The following FIGNL2 variants were observed in gnomAD, a reference collection of about 807,000 sequenced individuals.
FIGNL2 encodes fidgetin like 2.
For synonymous variants in FIGNL2, 565 were observed against 484.0 expected (o/e 1.17, Z -2.20); for missense variants, 1,060 against 950.2 (o/e 1.12, Z -1.52).
rs533825494 is a variant in FIGNL2 at position 51,831,431 on chromosome 12, A to G, written c.-11-9007T>C. Among the ~76,000 whole-genome samples the G allele has an allele frequency of 5.3e-5, 8 of 152,234 alleles. No homozygotes were observed. The South Asian group carries it at 1.7e-3, about 32-fold the overall frequency. On this transcript the variant is annotated intron_variant, in intron 1 of 1. Transcript: ENST00000618634. Reference sequence around the variant, plus strand: ...ACAGCACCCCAGTTAAGCAGGTATTATTTGCAGATAAAACAGTGCCAGACA... The same window carrying G: ...ACAGCACCCCAGTTAAGCAGGTATTGTTTGCAGATAAAACAGTGCCAGACA...
At chr12:51,845,575 T>C (rs1939736093) in intron 1 of FIGNL2, 1 of 985,330 alleles carries the variant, frequency 1.0e-6, no homozygotes, top group Non-Finnish European at 1.2e-6. Context: ...TGCAGAGCCA[T>C]GCTCCTTCCA....
At chr12:51,826,053 C>CCT (rs1939336373) in intron 1 of FIGNL2, 1 of 152,214 alleles carries the variant, frequency 6.6e-6, no homozygotes, top group African/African-American at 2.4e-5. Context: ...AGCTCCCTTA[C>CCT]CTCTGGCCCT....
In FIGNL2 at chr12:51,819,121, A is replaced by G. The variant is rs939433699; in HGVS notation, c.*1331T>C. 1 of 152,280 alleles carries G rather than the reference A, an allele frequency of 6.6e-6. No individual in the cohort carries two copies. The highest frequency in any genetic ancestry group is 2.4e-5 in the African/African-American group (1 of 41,464). 9.4% of individuals were successfully genotyped at this position (152,280 alleles called of 1,614,324 possible). ...TCTACCCAGATGGAATCCTCCTAGCATAAGTCACTGGGGACCTCTGCCAAG... is the reference window on the plus strand; with the variant it reads ...TCTACCCAGATGGAATCCTCCTAGCGTAAGTCACTGGGGACCTCTGCCAAG... On this transcript the variant is annotated 3_prime_UTR_variant, in exon 2 of 2. Coordinates refer to ENST00000618634, the MANE Select transcript of FIGNL2 (RefSeq NM_001384995.1).
chr12:51,838,451 G>A (rs562788782), intron 1 of FIGNL2, among the ~76,000 whole-genome samples: 1 of 152,294 alleles, frequency 6.6e-6, no homozygotes, highest in East Asian at 1.9e-4. Flanking sequence ...TGTCTGAAGG[G>A]CAACCTGAAA....
chr12:51,826,640 CAAAAAAAAAA>C (rs4025910), intron 1 of FIGNL2, among the ~76,000 whole-genome samples: 1 of 104,390 alleles, frequency 9.6e-6, no homozygotes, highest in African/African-American at 3.9e-5. Context: ...ACTCCCATCT[CAAAAAAAAAA>C]AAAAAAAAAA....
chr12:51,821,781 T>C lies in FIGNL2; in HGVS notation c.633A>G (p.Ala211=). 1.6e-6 allele frequency: 2 copies of C among 1,274,588 alleles called. No individual in the cohort carries two copies. Among genetic ancestry groups the C allele is most frequent in the Non-Finnish European group, 2.0e-6 (2 of 1,016,638 alleles). The allele number at this position is 1,274,588 out of a possible 1,614,324, so 79.0% of individuals were successfully genotyped here. ...PLYNYPAGGY[A]AQPGYGALPP... The stretch of plus-strand genomic sequence containing the variant: ...GGAGCGCGCCATAGCCGGGCTGCGC[T>C]GCGTAGCCCCCTGCGGGATAGTTGT... The change falls in exon 2 of 2, where the codon GCA becomes GCG. Residue 211 remains alanine, a synonymous_variant. Coordinates refer to ENST00000618634, the MANE Select transcript of FIGNL2 (RefSeq NM_001384995.1).
At chr12:51,839,864 C>A (rs149667928) in intron 1 of FIGNL2, among the ~76,000 whole-genome samples, 73 of 152,356 alleles carry the variant, frequency 4.8e-4, no homozygotes, top group African/African-American at 1.5e-3. Flanking sequence ...TCTACCCTGA[C>A]CTGCTCCTTC....
chr12:51,835,867 C>T (rs1939571530), intron 1 of FIGNL2, among the ~76,000 whole-genome samples: 1 of 150,202 alleles, frequency 6.7e-6, no homozygotes, highest in South Asian at 2.1e-4. Flanking sequence ...AGTGCAGTGG[C>T]GTGATCTCCG....
intron 1 of FIGNL2, chr12:51,841,754 C>T (rs986621128): frequency 6.6e-6 from 1 of 152,252 alleles, no homozygotes; most frequent in Non-Finnish European, 1.5e-5. Flanking sequence ...AGAGAGTGAT[C>T]AGAAAGGACT....
In FIGNL2 at chr12:51,819,423, T is replaced by G. The variant is rs1939119359; in HGVS notation, c.*1029A>C. 6.6e-6 allele frequency: 1 copy of G among 152,660 alleles called. No individual in the cohort carries two copies. The highest frequency in any genetic ancestry group is 1.5e-5 in the Non-Finnish European group (1 of 68,064). The allele number at this position is 152,660 out of a possible 1,614,324, so 9.5% of individuals were successfully genotyped here. A position where few individuals can be genotyped will look rare whatever the true frequency, so the allele number is the denominator to read the frequency against. On this transcript the variant is annotated 3_prime_UTR_variant, in exon 2 of 2. Transcript: ENST00000618634. ...GCCCTGGGGAGGAAGCCCTTAGGAA[T>G]ACATTCTGCTTCTGACCAGGAATAG... is the stretch of plus-strand genomic sequence containing the variant.
chr12:51,837,355 T>C (rs1342708000), intron 1 of FIGNL2, among the ~76,000 whole-genome samples: 2 of 152,044 alleles, frequency 1.3e-5, no homozygotes, highest in African/African-American at 2.4e-5. Flanking sequence ...GCTCCCAATG[T>C]TTTCCCTACA....
At chr12:51,847,056 G>A (rs1939766942) in intron 1 of FIGNL2, 2 of 984,530 alleles carry the variant, frequency 2.0e-6, no homozygotes, top group Non-Finnish European at 2.4e-6. Context: ...GCGGCCGCCC[G>A]GTACCCGCGT....
intron 1 of FIGNL2, among the ~76,000 whole-genome samples, chr12:51,834,080 G>GATGGACAGATGGACAGATGGATGA (rs1939530617): frequency 1.1e-4 from 1 of 8,866 alleles, no homozygotes; most frequent in Non-Finnish European, 4.3e-4. Context: ...TGGATGAATA[G>GATGGACAGATGGACAGATGGATGA]ACAGACAGAC....
intron 1 of FIGNL2, chr12:51,828,168 C>A (rs1247082884): frequency 6.6e-6 from 1 of 152,260 alleles, no homozygotes; most frequent in Non-Finnish European, 1.5e-5. Flanking sequence ...GAATTTGTGT[C>A]CCCTCCCGGT....
chr12:51,820,845 G>C lies in FIGNL2; in HGVS notation c.1569C>G (p.Gly523=), dbSNP rs746110401. Residue 523 remains glycine, a synonymous_variant, in exon 2 of 2, where the codon GGC becomes GGG. Transcript: ENST00000618634. ...PLLACLDGGC[G]AGADGVLVVG... is the part of the protein sequence containing the mutation. ...CAACCAGCACGCCGTCAGCCCCCGC[G>C]CCGCAGCCCCCGTCCAGGCAGGCCA... The C allele has an allele frequency of 2.8e-4, 406 of 1,456,162 alleles. No individual in the cohort carries two copies. The highest frequency in any genetic ancestry group is 3.5e-4 in the Non-Finnish European group (391 of 1,111,108). The allele number at this position is 1,456,162 out of a possible 1,614,324, so 90.2% of individuals were successfully genotyped here. A position where few individuals can be genotyped will look rare whatever the true frequency, so the allele number is the denominator to read the frequency against.
intron 1 of FIGNL2, chr12:51,847,360 C>G: frequency 4.1e-6 from 4 of 985,472 alleles, no homozygotes; most frequent in Non-Finnish European, 4.8e-6. Context: ...GCCGTAAGCC[C>G]AGAGTTGGGC....
In FIGNL2 at chr12:51,820,553, T is replaced by G; in HGVS notation, c.1861A>C (p.Lys621Gln). Residue 621 changes from lysine (K) to glutamine (Q), a missense_variant, in exon 2 of 2, where the codon AAG becomes CAG. Coordinates refer to ENST00000618634, the MANE Select transcript of FIGNL2 (RefSeq NM_001384995.1). ...LPGLQRPLSY[K>Q]DLEAALAKVG... ...TTGGCCAGCGCCGCCTCCAGGTCCT[T>G]GTAGGAGAGGGGGCGCTGCAGCCCC... 6.5e-7 allele frequency: 1 copy of G among 1,539,648 alleles called. No individual in the cohort carries two copies. Among genetic ancestry groups the G allele is most frequent in the Non-Finnish European group, 8.7e-7 (1 of 1,149,884 alleles).
chr12:51,845,988 G>A (rs1939744106), intron 1 of FIGNL2, among the ~76,000 whole-genome samples: 1 of 152,136 alleles, frequency 6.6e-6, no homozygotes, highest in African/African-American at 2.4e-5. Context: ...GAAAGGGAGA[G>A]GAGGAGCCCC....
At chr12:51,824,966 C>G (rs1939306668) in intron 1 of FIGNL2, among the ~76,000 whole-genome samples, 1 of 151,844 alleles carries the variant, frequency 6.6e-6, no homozygotes, top group African/African-American at 2.4e-5. Flanking sequence ...ACCACTTGAA[C>G]CCGGGTGGCG....
Sources: gnomAD v4.1 joint callset for allele counts (sites outside exome capture counted in the v4.1 genomes callset) on GRCh38, gnomAD v4.1.1 for gene constraint, MANE v1.5 for transcripts, NCBI Gene and HGNC (gene_info 2026-07-23, HGNC 2026-07-21) for gene names.